The following SYNPO variants were observed in gnomAD, a reference collection of about 807,000 sequenced individuals.
SYNPO encodes synaptopodin.
SYNPO carries 19 observed loss-of-function variants against 49.5 expected under a neutral mutation model. The ratio of observed to expected loss-of-function variants is 0.38; its 90% CI spans 0.27 to 0.56. The LOEUF is 0.56. SYNPO is among the 20% of genes least tolerant of loss of function. The pLI is 0.68. For missense variants in SYNPO, 1,131 were observed against 1,248.3 expected, an observed-to-expected ratio of 0.91 and a Z score of 1.42; for synonymous variants, 536 against 548.0, an observed-to-expected ratio of 0.98 and a Z score of 0.31.
At chr5:150,638,546 T>C (rs1757793258), upstream of SYNPO, among the ~76,000 whole-genome samples, 1 of 152,242 alleles carries the variant, frequency 6.6e-6, no homozygotes, top group Non-Finnish European at 1.5e-5. Flanking sequence ...AACACAGTGA[T>C]GGTTTCAACC....
the SYNPO span, among the ~76,000 whole-genome samples, chr5:150,591,701 A>G: frequency 2.7e-4 from 41 of 152,378 alleles, no homozygotes; most frequent in African/African-American, 8.7e-4. Flanking sequence ...CACTCACCGT[A>G]CATAGTAACC....
rs369631230 is a variant in SYNPO at position 150,657,054 on chromosome 5, C to T, written c.2679C>T (p.Gly893=). Residue 893 remains glycine, a synonymous_variant, in exon 3 of 3, where the codon GGC becomes GGT. Transcript: ENST00000307662. ...ATGGCAGCCTTCGGCTCAAGCGTGG[C>T]AGCCTCCCCGCCGAGGCCTCCTGCA... ...GWNGSLRLKR[G]SLPAEASCTT 108 of 1,597,362 alleles carry T rather than the reference C, an allele frequency of 6.8e-5. No homozygotes were observed. The highest frequency in any genetic ancestry group is 8.5e-5 in the Non-Finnish European group (100 of 1,173,056).
chr5:150,622,160 C>A (rs756366007), intron 2 of SYNPO, among the ~76,000 whole-genome samples: 1 of 152,236 alleles, frequency 6.6e-6, no homozygotes. Context: ...ATCCTATAAA[C>A]AATCCTGTGA....
At chr5:150,613,019 T>A (rs577207809) in intron 1 of SYNPO, among the ~76,000 whole-genome samples, 2 of 152,320 alleles carry the variant, frequency 1.3e-5, no homozygotes, top group South Asian at 4.1e-4. Context: ...GCTCAGGTGA[T>A]CATCTCACCT....
chr5:150,622,442 C>T (rs143772067), intron 2 of SYNPO, among the ~76,000 whole-genome samples: 1 of 152,328 alleles, frequency 6.6e-6, no homozygotes, highest in East Asian at 1.9e-4. Flanking sequence ...TTCCCTCCCA[C>T]TCGGATGCTC....
At chr5:150,592,473 A>T in the SYNPO span, among the ~76,000 whole-genome samples, 1 of 152,164 alleles carries the variant, frequency 6.6e-6, no homozygotes, top group Admixed American at 6.5e-5. Context: ...AGAAAAAAAA[A>T]TCTTGAGAAA....
At position 150,648,768 on chromosome 5, in the gene SYNPO, A is replaced by G. The variant is rs1287440821; in HGVS notation, c.493A>G (p.Thr165Ala). The change falls in exon 2 of 3, where the codon ACC becomes GCC. Residue 165 changes from threonine to alanine, a missense_variant. Around this residue, in one of 4 missense-constraint regions of SYNPO, gnomAD observed 602 missense variants for 720.7 expected, o/e 0.84. Coordinates refer to ENST00000307662, the MANE Select transcript of SYNPO (RefSeq NM_007286.6). The surrounding 1 kb of genome is among the most constrained non-coding windows in gnomAD (Gnocchi z 5.0). The part of the protein sequence containing the change: ...LLIDKVSTPA[T>A]TTSTFSREAT... ...AATTGACAAGGTATCAACTCCAGCT[A>G]CCACCACCAGCACCTTCTCCAGAGA... is the stretch of plus-strand genomic sequence containing the variant. The G allele has an allele frequency of 1.2e-6, 2 of 1,614,206 alleles. No homozygotes were observed. Among genetic ancestry groups the G allele is most frequent in the Non-Finnish European group, 1.7e-6 (2 of 1,180,028 alleles).
At chr5:150,603,798 T>A (rs1271925088) in intron 1 of SYNPO, among the ~76,000 whole-genome samples, 1 of 152,232 alleles carries the variant, frequency 6.6e-6, no homozygotes, top group Non-Finnish European at 1.5e-5. Flanking sequence ...GCAAGCTCCT[T>A]GCCCTCTCTG....
At chr5:150,613,218 A>G (rs1211612466) in intron 1 of SYNPO, among the ~76,000 whole-genome samples, 1 of 152,102 alleles carries the variant, frequency 6.6e-6, no homozygotes, top group Admixed American at 6.5e-5. Flanking sequence ...CTCCAACCCA[A>G]ACCTACAGAG....
chr5:150,634,888 ACT>A (rs1757663916), intron 2 of SYNPO, among the ~76,000 whole-genome samples: 1 of 151,138 alleles, frequency 6.6e-6, no homozygotes, highest in Admixed American at 6.6e-5. Flanking sequence ...CAAAGGGGAC[ACT>A]CTCCACAGCC....
rs760867932 is a variant in SYNPO, at chr5:150,656,458, C to A, written c.2083C>A (p.Pro695Thr). 5 of 1,532,512 alleles carry A rather than the reference C, an allele frequency of 3.3e-6. No homozygotes were observed. The highest frequency in any genetic ancestry group is 2.6e-6 in the Non-Finnish European group (3 of 1,145,446). The allele number at this position is 1,532,512 out of a possible 1,614,324, so 94.9% of individuals were successfully genotyped here. ...SPPWTPGASR[P>T]PSSLDGWVSP... ...ACCCTGGACGCCGGGCGCGTCCCGG[C>A]CCCCCAGCAGCCTAGACGGCTGGGT... The change falls in exon 3 of 3, where the codon CCC becomes ACC. Residue 695 changes from proline (P) to threonine (T), a missense_variant. Physicochemically the swap from Pro to Thr is conservative, Grantham distance 38. Transcript: ENST00000307662.
intron 2 of SYNPO, chr5:150,625,054 T>C: frequency 1.2e-6 from 1 of 858,674 alleles, no homozygotes; most frequent in Non-Finnish European, 1.4e-6. Flanking sequence ...GCCAAGTCGC[T>C]TCTACACTTT....
chr5:150,651,823 C>T (rs1376586450), intron 2 of SYNPO: 1 of 1,000,354 alleles, frequency 1.0e-6, no homozygotes, highest in African/African-American at 1.7e-5. Context: ...TAGCTGGAGA[C>T]TTCCCATCGC....
At position 150,656,827 on chromosome 5, in the gene SYNPO, G is replaced by T. The variant is rs1400833860; in HGVS notation, c.2452G>T (p.Ala818Ser). 8 of 1,538,456 alleles carry T rather than the reference G, an allele frequency of 5.2e-6. No individual in the cohort carries two copies. Among genetic ancestry groups the T allele is most frequent in the Non-Finnish European group, 7.0e-6 (8 of 1,146,896 alleles). The part of the protein sequence containing the change: ...ARPGSAAVPG[A>S]AFAPIPRSPL... ...CCCCGGCTCGGCTGCTGTGCCGGGG[G>T]CAGCCTTCGCGCCCATCCCGCGGAG... Residue 818 changes from alanine to serine, a missense_variant, in exon 3 of 3, where the codon GCA (alanine) becomes TCA (serine). Ala to Ser is a moderately conservative substitution (Grantham distance 99). Transcript: ENST00000307662.
chr5:150,625,186 C>T lies in SYNPO; in HGVS notation c.400+6419C>T, dbSNP rs574127326. 4.6e-5 allele frequency among the ~76,000 whole-genome samples: 7 copies of T among 152,322 alleles called. No homozygotes were observed. In the South Asian group the frequency reaches 8.3e-4, roughly 18 times the overall value. On this transcript the variant is annotated intron_variant, in intron 2 of 2. Transcript: ENST00000394243. ...ACCCTCCTGGGCTGCGTGGGGGCTCCAGCCCTTGCGCCCCTCCCCGCAAGC... is the reference window on the plus strand; with the variant it reads ...ACCCTCCTGGGCTGCGTGGGGGCTCTAGCCCTTGCGCCCCTCCCCGCAAGC...
upstream of SYNPO, among the ~76,000 whole-genome samples, chr5:150,598,447 T>TG (rs1201813156): frequency 6.6e-6 from 1 of 152,124 alleles, no homozygotes. Context: ...ACGGACAGGC[T>TG]GGGGGGCTTT....
intron 2 of SYNPO, chr5:150,652,267 C>T (rs966447162): frequency 1.0e-6 from 1 of 1,000,036 alleles, no homozygotes; most frequent in Non-Finnish European, 1.2e-6. Context: ...CATTCTGCAG[C>T]TCCTGCGGCC....
chr5:150,654,862 A>ACGCC (rs2151432789), intron 2 of SYNPO, among the ~76,000 whole-genome samples: 1 of 152,334 alleles, frequency 6.6e-6, no homozygotes, highest in South Asian at 2.1e-4. Flanking sequence ...GCGGTGGCTC[A>ACGCC]CGCCTGTAAT....
chr5:150,628,627 G>A (rs962071547), intron 2 of SYNPO, among the ~76,000 whole-genome samples: 11 of 152,222 alleles, frequency 7.2e-5, no homozygotes, highest in Non-Finnish European at 1.2e-4. Context: ...TTAAAATAGC[G>A]GTCAGGTGTG....
Sources: gnomAD v4.1 joint callset for allele counts (sites outside exome capture counted in the v4.1 genomes callset) on GRCh38, gnomAD v4.1.1 for gene constraint, gnomAD v4.1.1 regional missense constraint, Gnocchi (gnomAD v3.1) non-coding constraint, MANE v1.5 for transcripts, NCBI Gene and HGNC (gene_info 2026-07-23, HGNC 2026-07-21) for gene names.